Variants in ARB2A observed in about 807,000 individuals in gnomAD.
ARB2A encodes cotranscriptional regulator ARB2A.
At chr5:93,843,517 G>A in the ARB2A span, among the ~76,000 whole-genome samples, 3 of 148,506 alleles carry the variant, frequency 2.0e-5, no homozygotes, top group East Asian at 4.0e-4. Context: ...TTGACCTCCC[G>A]GGCTCAAGTG....
chr5:93,729,640 G>A, the ARB2A span, among the ~76,000 whole-genome samples: 1 of 152,058 alleles, frequency 6.6e-6, no homozygotes, highest in African/African-American at 2.4e-5. Flanking sequence ...CAACATAAAT[G>A]AGAAATCAAA....
the ARB2A span, among the ~76,000 whole-genome samples, chr5:93,941,723 T>C: frequency 2.0e-5 from 3 of 152,212 alleles, no homozygotes; most frequent in African/African-American, 4.8e-5. Context: ...TAAAATTCAG[T>C]GTCTTTCCTC....
At chr5:94,038,134 TATA>T in the ARB2A span, among the ~76,000 whole-genome samples, 10 of 152,122 alleles carry the variant, frequency 6.6e-5, no homozygotes, top group African/African-American at 2.2e-4. Context: ...AATCTTTCAT[TATA>T]ATGTCTGCTG....
chr5:93,797,144 G>A, the ARB2A span, among the ~76,000 whole-genome samples: 1 of 152,120 alleles, frequency 6.6e-6, no homozygotes, highest in Non-Finnish European at 1.5e-5. Context: ...AACAGGAAGA[G>A]GAAAACTCTG....
the ARB2A span, among the ~76,000 whole-genome samples, chr5:93,745,012 T>A: frequency 6.6e-6 from 1 of 152,242 alleles, no homozygotes; most frequent in Non-Finnish European, 1.5e-5. Flanking sequence ...ATTATTATGA[T>A]CTTTGGAATC....
At chr5:93,886,006 T>C in the ARB2A span, among the ~76,000 whole-genome samples, 16 of 151,698 alleles carry the variant, frequency 1.1e-4, no homozygotes, top group Non-Finnish European at 1.0e-4. Context: ...AAAACTTTGA[T>C]AGACAAATTA....
the ARB2A span, among the ~76,000 whole-genome samples, chr5:94,055,119 T>C: frequency 1.3e-5 from 2 of 152,160 alleles, no homozygotes; most frequent in South Asian, 4.1e-4. Flanking sequence ...CTATCTGTCA[T>C]CACAGAGTCA....
the ARB2A span, among the ~76,000 whole-genome samples, chr5:93,672,344 G>A: frequency 3.3e-5 from 5 of 150,426 alleles, no homozygotes; most frequent in South Asian, 4.2e-4. Flanking sequence ...ATGGAGTCTC[G>A]CTGTCACGAG....
the ARB2A span, among the ~76,000 whole-genome samples, chr5:93,704,198 G>T: frequency 6.6e-6 from 1 of 152,262 alleles, no homozygotes; most frequent in South Asian, 2.1e-4. Flanking sequence ...TAGAAATAAG[G>T]ACTGTTAAGT....
At chr5:94,061,062 C>T in the ARB2A span, among the ~76,000 whole-genome samples, 2 of 152,084 alleles carry the variant, frequency 1.3e-5, no homozygotes, top group Non-Finnish European at 2.9e-5. Flanking sequence ...CACGGTGAAA[C>T]CCTGTCTCTA....
chr5:93,693,813 C>T, the ARB2A span, among the ~76,000 whole-genome samples: 1 of 152,094 alleles, frequency 6.6e-6, no homozygotes, highest in African/African-American at 2.4e-5. Flanking sequence ...GCAAACCAAA[C>T]CCAGCAGCAC....
chr5:94,101,413 C>T, the ARB2A span, among the ~76,000 whole-genome samples: 1 of 152,124 alleles, frequency 6.6e-6, no homozygotes, highest in Non-Finnish European at 1.5e-5. Flanking sequence ...AAAAGCAGGG[C>T]TACCATTTGA....
the ARB2A span, among the ~76,000 whole-genome samples, chr5:93,911,736 T>C: frequency 7.9e-5 from 12 of 151,678 alleles, no homozygotes; most frequent in Non-Finnish European, 1.5e-4. Context: ...GATTGTATGT[T>C]ACACTTCTCT....
At chr5:94,025,421 A>G in the ARB2A span, among the ~76,000 whole-genome samples, 1 of 152,216 alleles carries the variant, frequency 6.6e-6, no homozygotes, top group Admixed American at 6.5e-5. Context: ...ATCCTATCAT[A>G]TTAGTACCCG....
At chr5:93,754,443 C>G in the ARB2A span, among the ~76,000 whole-genome samples, 1 of 152,170 alleles carries the variant, frequency 6.6e-6, no homozygotes, top group East Asian at 1.9e-4. Flanking sequence ...ACTGAATGGG[C>G]ATACTTAAAG....
the ARB2A span, among the ~76,000 whole-genome samples, chr5:94,086,982 T>C: frequency 6.6e-6 from 1 of 152,196 alleles, no homozygotes; most frequent in African/African-American, 2.4e-5. Flanking sequence ...GGCATTGTTA[T>C]CATAGGAAAT....
the ARB2A span, among the ~76,000 whole-genome samples, chr5:93,792,482 G>A: frequency 1.3e-5 from 2 of 152,058 alleles, no homozygotes; most frequent in African/African-American, 4.8e-5. Context: ...CCTCTGGGTA[G>A]AACTCATATT....
the ARB2A span, among the ~76,000 whole-genome samples, chr5:93,954,464 A>T: frequency 6.6e-6 from 1 of 151,962 alleles, no homozygotes; most frequent in Non-Finnish European, 1.5e-5. Context: ...CCAGTGTCCT[A>T]TCCTACGGTG....
At chr5:93,792,047 CTG>C in the ARB2A span, among the ~76,000 whole-genome samples, 1 of 151,936 alleles carries the variant, frequency 6.6e-6, no homozygotes, top group Non-Finnish European at 1.5e-5. Flanking sequence ...GGGAAGGCGA[CTG>C]TTTGAAAAAC....
Sources: allele counts gnomAD v4.1 joint callset (sites outside exome capture counted in the v4.1 genomes callset), GRCh38; gene constraint gnomAD v4.1.1; transcripts MANE v1.5; gene names NCBI Gene and HGNC (gene_info 2026-07-23, HGNC 2026-07-21).